KIF13B: variants seen among roughly 807,000 people sequenced by gnomAD.
The protein encoded by KIF13B is kinesin family member 13B.
KIF13B carries 127 observed loss-of-function variants against 222.0 expected under a neutral mutation model. The ratio of observed to expected loss-of-function variants is 0.57; its 90% CI spans 0.50 to 0.66. The LOEUF (loss-of-function observed/expected upper bound fraction) is 0.66. Ranked by LOEUF, KIF13B falls within the 30% of genes least tolerant of loss-of-function variation. KIF13B has a pLI of 0.00. For missense variants in KIF13B, 2,173 were observed against 2,379.0 expected, an observed-to-expected ratio of 0.91 and a Z score of 1.80; for synonymous variants, 976 against 919.0, an observed-to-expected ratio of 1.06 and a Z score of -1.12.
At chr8:29,141,099 C>T (rs1484431745) in intron 19 of KIF13B, among the ~76,000 whole-genome samples, 1 of 151,732 alleles carries the variant, frequency 6.6e-6, no homozygotes, top group African/African-American at 2.4e-5. Flanking sequence ...TTTGGGAGGC[C>T]AAGGCAGGCG....
rs1563763179 is a variant in KIF13B, at chr8:29,177,516, C to T, written c.783G>A (p.Thr261=). Residue 261 remains threonine, a synonymous_variant, in exon 9 of 40, where the codon ACG becomes ACA. Transcript: ENST00000524189. The part of the protein sequence containing the change: ...LVDLAGSERA[T]KTGAAGDRLK... ...GCCTGTCCCCTGCAGCGCCTGTCTTCGTTGCTCGTTCACTGCCAGCTAAAT... is the reference window on the plus strand; with the variant it reads ...GCCTGTCCCCTGCAGCGCCTGTCTTTGTTGCTCGTTCACTGCCAGCTAAAT... 3.7e-6 allele frequency: 6 copies of T among 1,613,922 alleles called. No homozygotes were observed. The highest frequency in any genetic ancestry group is 5.1e-6 in the Non-Finnish European group (6 of 1,179,814).
intron 10 of KIF13B, among the ~76,000 whole-genome samples, chr8:29,175,652 A>G (rs949804460): frequency 6.6e-6 from 1 of 152,220 alleles, no homozygotes; most frequent in African/African-American, 2.4e-5. Flanking sequence ...GACTGTCCCA[A>G]AGTTAAACAG....
chr8:29,169,333 A>C (rs1481583946), intron 10 of KIF13B, among the ~76,000 whole-genome samples: 1 of 152,182 alleles, frequency 6.6e-6, no homozygotes, highest in African/African-American at 2.4e-5. Context: ...GTTGAACAAT[A>C]TCCTAGCCCA....
At chr8:29,148,911 G>T in intron 15 of KIF13B, 144 bp from the exon 16 acceptor site, 1 of 616,158 alleles carries the variant, frequency 1.6e-6, no homozygotes, top group Non-Finnish European at 2.6e-6. Context: ...TGATAATCTT[G>T]TCGTAGAAAT....
chr8:29,127,074 G>A, intron 25 of KIF13B, 48 bp downstream of exon 25: 1 of 1,579,888 alleles, frequency 6.3e-7, no homozygotes, highest in South Asian at 1.1e-5. Flanking sequence ...AAGGCACTCT[G>A]GTCTGATTTT....
intron 16 of KIF13B, among the ~76,000 whole-genome samples, 160 bp from the exon 17 acceptor site, chr8:29,147,762 AT>A (rs1435773515): frequency 2.6e-5 from 4 of 152,330 alleles, no homozygotes; most frequent in African/African-American, 9.6e-5. Context: ...TCAATCACTC[AT>A]GTTGTTATAT....
At chr8:29,080,845 A>G (rs1807777314) in intron 37 of KIF13B, among the ~76,000 whole-genome samples, 1 of 152,040 alleles carries the variant, frequency 6.6e-6, no homozygotes, top group Admixed American at 6.5e-5. Context: ...AGGACTCAAC[A>G]CCAGAAGGCA....
chr8:29,122,669 C>T, intron 28 of KIF13B, 23 bp from the exon 29 acceptor site: 1 of 1,591,906 alleles, frequency 6.3e-7, no homozygotes, highest in Non-Finnish European at 8.6e-7. Flanking sequence ...GAACAAATGG[C>T]ATCTGCCTCA....
chr8:29,166,472 G>A (rs927637842), intron 11 of KIF13B, among the ~76,000 whole-genome samples: 1 of 152,130 alleles, frequency 6.6e-6, no homozygotes, highest in African/African-American at 2.4e-5. Context: ...GCCGAGGCGG[G>A]CGTATCACCT....
intron 1 of KIF13B, among the ~76,000 whole-genome samples, chr8:29,253,184 T>TA (rs570551725): frequency 2.6e-5 from 4 of 151,532 alleles, no homozygotes; most frequent in South Asian, 2.1e-4. Context: ...AAAACAAATT[T>TA]AAAAAAAATA....
intron 29 of KIF13B, among the ~76,000 whole-genome samples, chr8:29,121,002 C>T (rs1809832118): frequency 8.5e-6 from 1 of 117,294 alleles, no homozygotes; most frequent in African/African-American, 3.3e-5. Flanking sequence ...CTGTTCATGT[C>T]CTTCGCCCAC....
chr8:29,149,808 A>G (rs1811218576), intron 15 of KIF13B, among the ~76,000 whole-genome samples: 1 of 152,126 alleles, frequency 6.6e-6, no homozygotes, highest in Non-Finnish European at 1.5e-5. Context: ...ACTAACAACT[A>G]TGTTCCTTTA....
At chr8:29,186,098 A>AAAACAAAC (rs201934744) in intron 6 of KIF13B, among the ~76,000 whole-genome samples, 194 bp downstream of exon 6, 2 of 152,164 alleles carry the variant, frequency 1.3e-5, no homozygotes, top group Admixed American at 6.5e-5. Context: ...CTTGGGTTTA[A>AAAACAAAC]AAACAAACAA....
At chr8:29,251,552 C>A in intron 1 of KIF13B, among the ~76,000 whole-genome samples, 1 of 151,648 alleles carries the variant, frequency 6.6e-6, no homozygotes. Flanking sequence ...TATGAGGTAC[C>A]TAGGGTAGTC....
At chr8:29,260,908 G>A (rs1419450518) in intron 1 of KIF13B, among the ~76,000 whole-genome samples, 2 of 152,150 alleles carry the variant, frequency 1.3e-5, no homozygotes, top group African/African-American at 4.8e-5. Flanking sequence ...GTAAGCCACC[G>A]TGCCTGGCCT....
chr8:29,184,627 G>C (rs771620407), intron 6 of KIF13B, among the ~76,000 whole-genome samples: 1 of 152,102 alleles, frequency 6.6e-6, no homozygotes, highest in South Asian at 2.1e-4. Flanking sequence ...AGTAATTACC[G>C]TAAGTAAGCT....
chr8:29,235,719 C>T lies in KIF13B; in HGVS notation c.149+9627G>A, dbSNP rs1815478584. ...ATAAAAGATGCCACCTACGTAGTGG[C>T]ATTTCTCAATGAGTAGAAATCATAA... On this transcript the variant is annotated intron_variant, in intron 2 of 39. Coordinates refer to ENST00000524189, the MANE Select transcript of KIF13B (RefSeq NM_015254.4). Among the ~76,000 whole-genome samples the T allele has an allele frequency of 2.6e-5, 4 of 152,154 alleles. No homozygotes were observed. The South Asian group carries it at 8.3e-4, about 31-fold the overall frequency.
At chr8:29,176,743 A>C (rs1277358012) in intron 9 of KIF13B, among the ~76,000 whole-genome samples, 2 of 152,168 alleles carry the variant, frequency 1.3e-5, no homozygotes, top group Non-Finnish European at 2.9e-5. Flanking sequence ...TCCCATGAAA[A>C]GAATTACCTG....
intron 21 of KIF13B, among the ~76,000 whole-genome samples, chr8:29,136,957 G>A (rs1397475763): frequency 4.0e-5 from 6 of 151,786 alleles, no homozygotes; most frequent in East Asian, 3.9e-4. Context: ...CCACCACCAC[G>A]CCCGGCTAAT....
Sources: allele counts gnomAD v4.1 joint callset (sites outside exome capture counted in the v4.1 genomes callset), GRCh38; gene constraint gnomAD v4.1.1; transcripts MANE v1.5; gene names NCBI Gene and HGNC (gene_info 2026-07-23, HGNC 2026-07-21).